The following NCKAP1L variants were observed in gnomAD, a reference collection of about 807,000 sequenced individuals.
The protein encoded by NCKAP1L is NCK associated protein 1 like.
A neutral mutation model predicts 139.2 loss-of-function variants in NCKAP1L; 53 were observed. The ratio of observed to expected loss-of-function variants is 0.38; its 90% CI spans 0.31 to 0.48. The LOEUF (loss-of-function observed/expected upper bound fraction) is 0.48, where lower values mean the gene tolerates loss of function less well. NCKAP1L is among the 20% of genes least tolerant of loss of function. The probability of loss-of-function intolerance (pLI) is 0.98; values close to 1 mark genes in which losing one functional copy is unlikely to be tolerated. For synonymous variants in NCKAP1L, 468 were observed against 499.7 expected, an observed-to-expected ratio of 0.94 and a Z score of 0.85; for missense variants, 1,151 against 1,381.9, an observed-to-expected ratio of 0.83 and a Z score of 2.65.
chr12:54,533,804 A>C (rs1156801478), intron 26 of NCKAP1L, among the ~76,000 whole-genome samples: 1 of 152,174 alleles, frequency 6.6e-6, no homozygotes, highest in African/African-American at 2.4e-5. Context: ...TCCTGGACTC[A>C]AGTGATCCGC....
chr12:54,532,180 C>A lies in NCKAP1L; in HGVS notation c.2792C>A (p.Ser931Tyr). The change falls in exon 26 of 31, where the codon TCC becomes TAC. Residue 931 changes from serine (S) to tyrosine (Y), a missense_variant. Physicochemically the swap from Ser to Tyr is moderately radical, Grantham distance 144 (BLOSUM62 -2). Coordinates refer to ENST00000293373, the MANE Select transcript of NCKAP1L (RefSeq NM_005337.5). The stretch of plus-strand genomic sequence containing the variant: ...TTCTCTTTCCTCCAGGTTTTCTCCT[C>A]CCACTGCCCATTTCTTATGGGTCCC... ...AQEGLREVFS[S>Y]HCPFLMGPIE... 1 of 1,612,736 alleles carries A rather than the reference C, an allele frequency of 6.2e-7. No homozygotes were observed. Among genetic ancestry groups the A allele is most frequent in the Non-Finnish European group, 8.5e-7 (1 of 1,179,276 alleles).
At chr12:54,531,192 TA>T in intron 22 of NCKAP1L, 67 bp from the exon 23 acceptor site, 1 of 1,174,900 alleles carries the variant, frequency 8.5e-7, no homozygotes, top group Non-Finnish European at 1.3e-6. Context: ...CAAATTACCC[TA>T]TAGCTGTTGT....
chr12:54,511,683 A>G, intron 7 of NCKAP1L, 120 bp from the exon 8 acceptor site: 1 of 1,024,072 alleles, frequency 9.8e-7, no homozygotes, highest in African/African-American at 1.6e-5. Context: ...TTGGGATTAA[A>G]GGCGTTAGCC....
intron 3 of NCKAP1L, among the ~76,000 whole-genome samples, chr12:54,505,508 G>A (rs565003397): frequency 6.7e-6 from 1 of 149,108 alleles, no homozygotes; most frequent in African/African-American, 2.5e-5. Flanking sequence ...GGCAACCACT[G>A]ATCTACTTTC....
chr12:54,518,312 A>T (rs1392388276), intron 13 of NCKAP1L, among the ~76,000 whole-genome samples: 3 of 151,876 alleles, frequency 2.0e-5, no homozygotes, highest in East Asian at 3.9e-4. Context: ...ACTGCACTCC[A>T]GCTTGGGCGA....
chr12:54,532,313 A>G (rs1957079026), intron 26 of NCKAP1L, 63 bp downstream of exon 26: 1 of 1,391,010 alleles, frequency 7.2e-7, no homozygotes, highest in Admixed American at 1.8e-5. Flanking sequence ...GGAGGTAGCT[A>G]GGATCTTGTA....
At position 54,535,165 on chromosome 12, in the gene NCKAP1L, C is replaced by G. The variant is rs758761478; in HGVS notation, c.2924C>G (p.Ala975Gly). The G allele has an allele frequency of 6.8e-6, 11 of 1,613,594 alleles. No individual in the cohort carries two copies. The Admixed American group carries it at 1.8e-4, about 27-fold the overall frequency. ...AAGVGCDIDP[A>G]LVAAIANLKA... ...GGTGTGGGCTGTGACATTGACCCAGCCTTGGTGGCTGCCATTGCTAATCTG... is the reference window on the plus strand; with the variant it reads ...GGTGTGGGCTGTGACATTGACCCAGGCTTGGTGGCTGCCATTGCTAATCTG... Residue 975 changes from alanine (A) to glycine (G), a missense_variant, in exon 27 of 31, where the codon GCC (alanine) becomes GGC (glycine). Coordinates refer to ENST00000293373, the MANE Select transcript of NCKAP1L (RefSeq NM_005337.5).
chr12:54,523,448 A>G lies in NCKAP1L; in HGVS notation c.1933A>G (p.Arg645Gly). Residue 645 changes from arginine (R) to glycine (G), a missense_variant, in exon 19 of 31, where the codon AGG (arginine) becomes GGG (glycine). Coordinates refer to ENST00000293373, the MANE Select transcript of NCKAP1L (RefSeq NM_005337.5). Reference sequence around the variant, plus strand: ...CAGCAAAGCCAAGAACAAGAAAACCAGGAAGCAGAGGCAGACTCCCAGAAA... The same window carrying G: ...CAGCAAAGCCAAGAACAAGAAAACCGGGAAGCAGAGGCAGACTCCCAGAAA... ...TISKAKNKKT[R>G]KQRQTPRKGE... is the part of the protein sequence containing the mutation. 6.2e-7 allele frequency: 1 copy of G among 1,614,194 alleles called. No individual in the cohort carries two copies. Among genetic ancestry groups the G allele is most frequent in the Non-Finnish European group, 8.5e-7 (1 of 1,180,024 alleles).
At chr12:54,528,205 G>A in intron 21 of NCKAP1L, 42 bp from the exon 22 acceptor site, 1 of 1,602,768 alleles carries the variant, frequency 6.2e-7, no homozygotes, top group Non-Finnish European at 8.5e-7. Context: ...GTAGGGAGAA[G>A]GGATTGGATC....
chr12:54,516,037 G>A (rs1956927653), intron 9 of NCKAP1L, among the ~76,000 whole-genome samples: 1 of 152,172 alleles, frequency 6.6e-6, no homozygotes, highest in South Asian at 2.1e-4. Context: ...GTAAAATTAT[G>A]AGGTAGAGTT....
At chr12:54,517,106 A>G in intron 11 of NCKAP1L, 114 bp downstream of exon 11, 1 of 814,626 alleles carries the variant, frequency 1.2e-6, no homozygotes. Flanking sequence ...ATTTGTATGT[A>G]TATATGCGAT....
intron 5 of NCKAP1L, 21 bp from the exon 6 acceptor site, chr12:54,509,648 C>T: frequency 1.3e-6 from 2 of 1,571,082 alleles, no homozygotes; most frequent in South Asian, 2.2e-5. Context: ...GCTGTAACCC[C>T]TCTCCTCTGC....
rs1193135251 is a variant in NCKAP1L, at chr12:54,542,570, T to C, written c.3274-5T>C. On this transcript the variant is annotated splice_polypyrimidine_tract_variant and splice_region_variant and intron_variant, in intron 30 of 30. Transcript: ENST00000293373. The stretch of plus-strand genomic sequence containing the variant: ...GTTCTCATCTCTTGGCCCCATCTCT[T>C]TCAGGTGGTGGAGGAGTCATCCTTC... The C allele has an allele frequency of 6.2e-7, 1 of 1,608,256 alleles. No homozygotes were observed. The highest frequency in any genetic ancestry group is 8.5e-7 in the Non-Finnish European group (1 of 1,174,676).
At chr12:54,506,796 A>AAATATAT in intron 3 of NCKAP1L, among the ~76,000 whole-genome samples, 871 of 50,576 alleles carry the variant, frequency 0.017, 12 homozygotes, top group Non-Finnish European at 0.02. Context: ...AAAAAAAAAA[A>AAATATAT]ATATATATAT....
rs375011374 is a variant in NCKAP1L at position 54,517,524 on chromosome 12, C to G, written c.1096-9C>G. 31 of 1,597,792 alleles carry G rather than the reference C, an allele frequency of 1.9e-5. No individual in the cohort carries two copies. In the African/African-American group the frequency reaches 2.8e-4, roughly 15 times the overall value. Reference sequence around the variant, plus strand: ...TTGAAAATTCTAATAGTCTCTACCCCCTCCATAGGCTCTTTTTGCTTTCAT... The same window carrying G: ...TTGAAAATTCTAATAGTCTCTACCCGCTCCATAGGCTCTTTTTGCTTTCAT... On this transcript the variant is annotated splice_polypyrimidine_tract_variant and intron_variant, in intron 11 of 30. Transcript: ENST00000293373.
chr12:54,525,919 G>A (rs1182929888), intron 20 of NCKAP1L, among the ~76,000 whole-genome samples: 1 of 152,134 alleles, frequency 6.6e-6, no homozygotes, highest in African/African-American at 2.4e-5. Flanking sequence ...GTGGTGAGGG[G>A]TCTTGCTGGT....
chr12:54,500,457 A>G, intron 2 of NCKAP1L, 76 bp from the exon 3 acceptor site: 1 of 1,019,154 alleles, frequency 9.8e-7, no homozygotes, highest in Non-Finnish European at 1.6e-6. Flanking sequence ...AGGTATAACC[A>G]CTGTTCTTCT....
At chr12:54,512,906 G>A (rs547406903) in intron 9 of NCKAP1L, among the ~76,000 whole-genome samples, 3 of 152,166 alleles carry the variant, frequency 2.0e-5, no homozygotes, top group African/African-American at 4.8e-5. Context: ...GATTTTTGAG[G>A]CAACAAAGAG....
At chr12:54,506,264 A>G (rs919413312) in intron 3 of NCKAP1L, among the ~76,000 whole-genome samples, 4 of 152,130 alleles carry the variant, frequency 2.6e-5, no homozygotes, top group Non-Finnish European at 5.9e-5. Context: ...CAGTTTCTCT[A>G]TATTCTCATC....
Sources: gnomAD v4.1 joint callset for allele counts (sites outside exome capture counted in the v4.1 genomes callset) on GRCh38, gnomAD v4.1.1 for gene constraint, MANE v1.5 for transcripts, NCBI Gene and HGNC (gene_info 2026-07-23, HGNC 2026-07-21) for gene names.